The following SPATA6L variants were observed in gnomAD, a reference collection of about 807,000 sequenced individuals.
The protein encoded by SPATA6L is spermatogenesis associated 6 like.
A neutral mutation model predicts 49.2 loss-of-function variants in SPATA6L; 68 were observed. The ratio of observed to expected loss-of-function variants is 1.38; its 90% confidence interval spans 1.14 to 1.69. SPATA6L has a LOEUF of 1.69. Among genes scored for constraint, SPATA6L ranks in the 40% most tolerant of loss-of-function variants. The pLI, the probability that SPATA6L is intolerant of heterozygous loss-of-function variation, is 0.00. For missense variants in SPATA6L, 668 were observed against 464.3 expected (o/e 1.44, Z -4.03); for synonymous variants, 198 against 165.7 (o/e 1.19, Z -1.50).
intron 9 of SPATA6L, among the ~76,000 whole-genome samples, chr9:4,606,796 A>G (rs1211464208): frequency 6.7e-6 from 1 of 148,472 alleles, no homozygotes; most frequent in African/African-American, 2.5e-5. Flanking sequence ...TGGACGGAGA[A>G]CGACTTCGAC....
chr9:4,630,727 C>T (rs928163222), intron 4 of SPATA6L, among the ~76,000 whole-genome samples: 1 of 152,174 alleles, frequency 6.6e-6, no homozygotes, highest in Non-Finnish European at 1.5e-5. Context: ...GAAAAGAAGC[C>T]AACACCTACT....
rs115841878 is a variant in SPATA6L at position 4,656,698 on chromosome 9, C to A, written c.178-609G>T. 3.1e-3 allele frequency among the ~76,000 whole-genome samples: 465 copies of A among 152,286 alleles called. 1 individual carries two copies. The highest frequency in any genetic ancestry group is 0.011 in the African/African-American group (438 of 41,556). ...AAATTTCAATTAGCTAAATCTACCA[C>A]ATGCTAAAAATATCATCGACTTGAC... On this transcript the variant is annotated intron_variant, in intron 2 of 11. Transcript: ENST00000682582.
Position 4,650,966 on chromosome 9 carries a change from T to C in SPATA6L, c.226+5075A>G, listed in dbSNP as rs139355903. On this transcript the variant is annotated intron_variant, in intron 3 of 11. Transcript: ENST00000682582. ...ATCTGCTCGCCTTGGCCTCCCAAAATGCTGGGATTACAGGCATGAGCCACC... is the reference window on the plus strand; with the variant it reads ...ATCTGCTCGCCTTGGCCTCCCAAAACGCTGGGATTACAGGCATGAGCCACC... 8.4e-3 allele frequency among the ~76,000 whole-genome samples: 1,270 copies of C among 152,076 alleles called. 17 individuals carry two copies. Among genetic ancestry groups the C allele is most frequent in the African/African-American group, 0.03 (1,227 of 41,476 alleles).
intron 5 of SPATA6L, chr9:4,627,376 A>G (rs1830551645): frequency 6.1e-6 from 1 of 164,458 alleles, no homozygotes; most frequent in Admixed American, 5.7e-5. Flanking sequence ...GTCTCCCATT[A>G]TATGAGTTAT....
At chr9:4,643,559 T>C (rs1587363773) in intron 3 of SPATA6L, among the ~76,000 whole-genome samples, 1 of 152,088 alleles carries the variant, frequency 6.6e-6, no homozygotes, top group East Asian at 1.9e-4. Flanking sequence ...ACACCACCAC[T>C]ATGGAAAAAT....
At chr9:4,620,196 G>A (rs1828955650) in intron 7 of SPATA6L, among the ~76,000 whole-genome samples, 1 of 152,050 alleles carries the variant, frequency 6.6e-6, no homozygotes, top group Non-Finnish European at 1.5e-5. Flanking sequence ...CCTGCCCTGT[G>A]GCCTCATAAC....
chr9:4,642,419 G>A (rs578168742), intron 3 of SPATA6L, among the ~76,000 whole-genome samples: 2 of 152,324 alleles, frequency 1.3e-5, no homozygotes, highest in South Asian at 4.1e-4. Context: ...CACCTGCTCA[G>A]TTCCGTCTAC....
At chr9:4,594,181 C>G (rs923263068), downstream of SPATA6L, among the ~76,000 whole-genome samples, 1 of 152,148 alleles carries the variant, frequency 6.6e-6, no homozygotes, top group Non-Finnish European at 1.5e-5. Context: ...TCTGTAGTCT[C>G]TCTTTCCCAG....
chr9:4,654,740 G>T (rs114465187), intron 3 of SPATA6L, among the ~76,000 whole-genome samples: 3,374 of 152,224 alleles, frequency 0.022, 111 homozygotes, highest in African/African-American at 0.076. Context: ...GTGTCGTTCT[G>T]CCAGTGCCAA....
Position 4,666,353 on chromosome 9 carries a change from C to T in SPATA6L, c.-103G>A. ...GCTGAATACCTAGAGCAAATGTTCC[C>T]AGAAGCTTCCCCAGTCCCACGCCCT... is the stretch of plus-strand genomic sequence containing the variant. On this transcript the variant is annotated 5_prime_UTR_variant, in exon 1 of 12. Coordinates refer to ENST00000682582, the MANE Select transcript of SPATA6L (RefSeq NM_001353486.2). The T allele has an allele frequency of 7.9e-7, 1 of 1,258,546 alleles. No individual in the cohort carries two copies. The allele number at this position is 1,258,546 out of a possible 1,614,324, so 78.0% of individuals were successfully genotyped here. A position where few individuals can be genotyped will look rare whatever the true frequency, so the allele number is the denominator to read the frequency against.
chr9:4,605,221 A>T, intron 10 of SPATA6L, 126 bp downstream of exon 10: 1 of 708,708 alleles, frequency 1.4e-6, no homozygotes, highest in Non-Finnish European at 2.5e-6. Flanking sequence ...TCTCCTTGGT[A>T]AGCCTCACAA....
chr9:4,662,317 A>T lies in SPATA6L; in HGVS notation c.40-281T>A. 6.9e-7 allele frequency: 1 copy of T among 1,441,992 alleles called. No individual in the cohort carries two copies. The highest frequency in any genetic ancestry group is 9.1e-7 in the Non-Finnish European group (1 of 1,103,498). The allele number at this position is 1,441,992 out of a possible 1,614,324, so 89.3% of individuals were successfully genotyped here. On this transcript the variant is annotated intron_variant, in intron 1 of 11. Transcript: ENST00000682582. This position sits in a 1 kb window ranked among gnomAD's most constrained non-coding sequence, Gnocchi z 4.9. ...GTAGTGCGGAAGCGGAAGAGGCTGC[A>T]GGGCCGGGAAGCCTCTGTTTGGTCC...
chr9:4,651,691 A>T (rs1044524247), intron 3 of SPATA6L, among the ~76,000 whole-genome samples: 39 of 123,102 alleles, frequency 3.2e-4, no homozygotes, highest in Admixed American at 6.5e-4. Context: ...GAAATAAAGG[A>T]TAAAAAAATC....
rs779094684 is a variant in SPATA6L, at chr9:4,662,330, C to T, written c.40-294G>A. On this transcript the variant is annotated intron_variant, in intron 1 of 11. Transcript: ENST00000682582. The surrounding 1 kb of genome is among the most constrained non-coding windows in gnomAD (Gnocchi z 4.9). ...GGAAGAGGCTGCAGGGCCGGGAAGC[C>T]TCTGTTTGGTCCGGCCAGGTCCCGG... 1.8e-5 allele frequency: 26 copies of T among 1,455,972 alleles called. No individual in the cohort carries two copies. In the East Asian group the frequency reaches 6.1e-4, roughly 34 times the overall value. 90.2% of individuals were successfully genotyped at this position (1,455,972 alleles called of 1,614,324 possible). A position where few individuals can be genotyped will look rare whatever the true frequency, so the allele number is the denominator to read the frequency against.
intron 13 of SPATA6L, among the ~76,000 whole-genome samples, chr9:4,591,348 C>A (rs1205633297): frequency 6.6e-6 from 1 of 152,090 alleles, no homozygotes; most frequent in Non-Finnish European, 1.5e-5. Context: ...AAAAGGCCAG[C>A]CAAAAGGCTT....
intron 9 of SPATA6L, among the ~76,000 whole-genome samples, chr9:4,606,909 G>A (rs894191501): frequency 7.0e-6 from 1 of 142,556 alleles, no homozygotes; most frequent in African/African-American, 2.9e-5. Context: ...AAATTTAGAA[G>A]AATGTATAAC....
intron 3 of SPATA6L, among the ~76,000 whole-genome samples, chr9:4,650,194 C>A (rs942738537): frequency 2.6e-5 from 4 of 152,168 alleles, no homozygotes; most frequent in Admixed American, 2.6e-4. Context: ...GGTATGCCAG[C>A]CTGAGACCTA....
chr9:4,652,908 T>C (rs1236636637), intron 3 of SPATA6L, among the ~76,000 whole-genome samples: 4 of 151,240 alleles, frequency 2.6e-5, no homozygotes, highest in Admixed American at 6.6e-5. Flanking sequence ...ACATCCCACA[T>C]TCATGTTTCA....
intron 13 of SPATA6L, among the ~76,000 whole-genome samples, chr9:4,590,452 G>C (rs187776849): frequency 1.8e-3 from 276 of 152,308 alleles, no homozygotes; most frequent in African/African-American, 6.4e-3. Flanking sequence ...TGTCTCTCCA[G>C]AATTAGGGTG....
Sources: allele counts gnomAD v4.1 joint callset (sites outside exome capture counted in the v4.1 genomes callset), GRCh38; gene constraint gnomAD v4.1.1; non-coding constraint Gnocchi (gnomAD v3.1); transcripts MANE v1.5; gene names NCBI Gene and HGNC (gene_info 2026-07-23, HGNC 2026-07-21).